GPR137B: variants seen among roughly 807,000 people sequenced by gnomAD.
GPR137B encodes the protein G protein-coupled receptor 137B.
Under a neutral mutation model 42.5 loss-of-function variants are expected in GPR137B, and 42 were observed. The observed-to-expected ratio is 0.99, with a 90% CI of 0.77 to 1.28. The LOEUF (loss-of-function observed/expected upper bound fraction) is 1.28. Among genes scored for constraint, GPR137B ranks in the 50% most tolerant of loss-of-function variants. The probability of loss-of-function intolerance (pLI) is 0.00; values close to 1 mark genes in which losing one functional copy is unlikely to be tolerated. For synonymous variants in GPR137B, 218 were observed against 209.7 expected (o/e 1.04, Z -0.34); for missense variants, 487 against 493.9 (o/e 0.99, Z 0.13).
intron 6 of GPR137B, among the ~76,000 whole-genome samples, chr1:236,207,699 G>A (rs1663703238): frequency 6.6e-6 from 1 of 152,204 alleles, no homozygotes; most frequent in African/African-American, 2.4e-5. Flanking sequence ...AGGAAATTGA[G>A]GCATAGAAGT....
intron 1 of GPR137B, among the ~76,000 whole-genome samples, chr1:236,165,019 C>A (rs1386441573): frequency 6.6e-6 from 1 of 152,180 alleles, no homozygotes; most frequent in African/African-American, 2.4e-5. Context: ...ATTCTGCTGC[C>A]TCAGCCTCCC....
In GPR137B at chr1:236,178,765, C is replaced by G. The variant is rs1558488518; in HGVS notation, c.687+129C>G. On this transcript the variant is annotated intron_variant, in intron 3 of 6. Transcript: ENST00000366592. ...TTGACTTTCTCCGTTTTATTGTCTC[C>G]CACACAGGGGCTACTCGAGGTTTTT... 6 of 371,106 alleles carry G rather than the reference C, an allele frequency of 1.6e-5. No homozygotes were observed. The East Asian group carries it at 2.6e-4, about 16-fold the overall frequency. The allele number at this position is 371,106 out of a possible 1,614,324, so 23.0% of individuals were successfully genotyped here.
intron 1 of GPR137B, among the ~76,000 whole-genome samples, chr1:236,157,740 T>A (rs1171234673): frequency 2.0e-5 from 3 of 152,140 alleles, no homozygotes; most frequent in African/African-American, 7.2e-5. Flanking sequence ...CCTGAGAACA[T>A]CGTAGTTTTG....
intron 1 of GPR137B, among the ~76,000 whole-genome samples, chr1:236,143,407 C>G (rs1661590376): frequency 6.6e-6 from 1 of 152,272 alleles, no homozygotes; most frequent in Non-Finnish European, 1.5e-5. Context: ...GAGGCCTGAA[C>G]TCTAGAATTT....
rs779163909 is a variant in GPR137B, at chr1:236,208,227, T to C, written c.*69T>C. On this transcript the variant is annotated 3_prime_UTR_variant, in exon 7 of 7. Transcript: ENST00000366592. ...TCAGAAAAGCATAGTGACAGCTGAATTTTTAGGGCACTTTTCCTTAAGAAA... is the reference window on the plus strand; with the variant it reads ...TCAGAAAAGCATAGTGACAGCTGAACTTTTAGGGCACTTTTCCTTAAGAAA... 7.9e-5 allele frequency: 124 copies of C among 1,567,270 alleles called. No individual in the cohort carries two copies. Among genetic ancestry groups the C allele is most frequent in the Non-Finnish European group, 1.0e-4 (117 of 1,159,564 alleles).
chr1:236,166,499 T>C (rs1190157171), intron 1 of GPR137B, among the ~76,000 whole-genome samples: 1 of 142,074 alleles, frequency 7.0e-6, no homozygotes, highest in African/African-American at 2.8e-5. Flanking sequence ...TATACATATA[T>C]ATATTTATAT....
chr1:236,167,807 G>T (rs761902939), intron 1 of GPR137B, among the ~76,000 whole-genome samples: 20 of 152,156 alleles, frequency 1.3e-4, no homozygotes, highest in Non-Finnish European at 2.4e-4. Flanking sequence ...TGTAGCAGTA[G>T]CAGCCTCCTT....
At chr1:236,170,562 C>T (rs1662504555) in intron 2 of GPR137B, among the ~76,000 whole-genome samples, 1 of 152,142 alleles carries the variant, frequency 6.6e-6, no homozygotes, top group African/African-American at 2.4e-5. Flanking sequence ...CTTCAGCGTC[C>T]ACTGTGAAAT....
chr1:236,204,095 C>T (rs1663579616), intron 5 of GPR137B, among the ~76,000 whole-genome samples: 1 of 150,262 alleles, frequency 6.7e-6, no homozygotes, highest in South Asian at 2.1e-4. Context: ...TCTTCTTTCC[C>T]CGGTTTGAGG....
At position 236,142,735 on chromosome 1, in the gene GPR137B, C is replaced by G; in HGVS notation, c.113C>G (p.Pro38Arg). The G allele has an allele frequency of 1.9e-6, 3 of 1,610,928 alleles. No individual in the cohort carries two copies. Among genetic ancestry groups the G allele is most frequent in the African/African-American group, 2.7e-5 (2 of 74,946 alleles). ...SLPPTLTPAVPPYVKLGLTVV... is the reference protein window; with the variant it reads ...SLPPTLTPAVRPYVKLGLTVV... Reference sequence around the variant, plus strand: ...CCGCCCACGCTGACCCCGGCCGTGCCCCCCTACGTGAAGCTTGGCCTCACC... The same window carrying G: ...CCGCCCACGCTGACCCCGGCCGTGCGCCCCTACGTGAAGCTTGGCCTCACC... Residue 38 changes from proline (P) to arginine (R), a missense_variant, in exon 1 of 7, where the codon CCC (proline) becomes CGC (arginine). Transcript: ENST00000366592.
intron 2 of GPR137B, among the ~76,000 whole-genome samples, chr1:236,176,714 G>C (rs1415160148): frequency 6.6e-6 from 1 of 152,120 alleles, no homozygotes; most frequent in Non-Finnish European, 1.5e-5. Flanking sequence ...GCCCTTGATA[G>C]CTGACGTCAT....
chr1:236,158,808 G>T (rs191318172), intron 1 of GPR137B, among the ~76,000 whole-genome samples: 1 of 152,330 alleles, frequency 6.6e-6, no homozygotes, highest in East Asian at 1.9e-4. Flanking sequence ...AGACACTAGG[G>T]TGTCCAGATG....
At chr1:236,167,629 G>A (rs1662399822) in intron 1 of GPR137B, among the ~76,000 whole-genome samples, 1 of 152,250 alleles carries the variant, frequency 6.6e-6, no homozygotes, top group South Asian at 2.1e-4. Context: ...CTCTCCTCCA[G>A]TCTTCCACAC....
intron 1 of GPR137B, among the ~76,000 whole-genome samples, chr1:236,143,925 A>G (rs1661609228): frequency 6.6e-6 from 1 of 152,138 alleles, no homozygotes; most frequent in Non-Finnish European, 1.5e-5. Flanking sequence ...CGTCATCATC[A>G]TCTCTGATTC....
At chr1:236,196,654 T>C (rs1260643011) in intron 5 of GPR137B, among the ~76,000 whole-genome samples, 1 of 152,162 alleles carries the variant, frequency 6.6e-6, no homozygotes, top group Non-Finnish European at 1.5e-5. Flanking sequence ...ATATTGCTCT[T>C]ATCCCTTTGC....
chr1:236,153,204 G>T (rs1296380364), intron 1 of GPR137B, among the ~76,000 whole-genome samples: 1 of 152,286 alleles, frequency 6.6e-6, no homozygotes, highest in East Asian at 1.9e-4. Flanking sequence ...TTGCGCAGCT[G>T]TCACCTCTAT....
At chr1:236,191,204 TCTC>T (rs1663182668) in intron 5 of GPR137B, among the ~76,000 whole-genome samples, 1 of 152,174 alleles carries the variant, frequency 6.6e-6, no homozygotes. Context: ...TCATTTATAT[TCTC>T]CTCTAAAGTG....
At chr1:236,167,626 C>G (rs1662399768) in intron 1 of GPR137B, among the ~76,000 whole-genome samples, 1 of 152,184 alleles carries the variant, frequency 6.6e-6, no homozygotes, top group African/African-American at 2.4e-5. Context: ...CCTCTCTCCT[C>G]CAGTCTTCCA....
intron 6 of GPR137B, among the ~76,000 whole-genome samples, chr1:236,205,714 T>C (rs1663638688): frequency 6.6e-6 from 1 of 152,132 alleles, no homozygotes; most frequent in African/African-American, 2.4e-5. Context: ...CAAATTTTTT[T>C]ATTTTTAGTA....
Sources: gnomAD v4.1 joint callset for allele counts (sites outside exome capture counted in the v4.1 genomes callset) on GRCh38, gnomAD v4.1.1 for gene constraint, MANE v1.5 for transcripts, NCBI Gene and HGNC (gene_info 2026-07-23, HGNC 2026-07-21) for gene names.